Variants in HIRA observed in about 807,000 individuals in gnomAD.
The protein encoded by HIRA is histone cell cycle regulator.
In HIRA, 13 loss-of-function variants were observed where a neutral mutation model predicts 126.6. That is an observed-to-expected ratio of 0.10 (90% CI 0.07 to 0.16). HIRA has a LOEUF of 0.16. Among genes scored for constraint, HIRA ranks in the 10% least tolerant of loss-of-function variants. HIRA has a pLI of 1.00. For synonymous variants in HIRA, 511 were observed against 520.0 expected (o/e 0.98, Z 0.24); for missense variants, 834 against 1,314.4 (o/e 0.63, Z 5.65).
intron 2 of HIRA, among the ~76,000 whole-genome samples, chr22:19,408,915 C>T (rs1230465203): frequency 6.6e-6 from 1 of 152,194 alleles, no homozygotes; most frequent in Non-Finnish European, 1.5e-5. Flanking sequence ...AAAAGGTCTT[C>T]ATCCCTGCCC....
intron 10 of HIRA, 148 bp downstream of exon 10, chr22:19,388,336 C>A: frequency 1.6e-6 from 1 of 611,072 alleles, no homozygotes; most frequent in Non-Finnish European, 3.0e-6. Context: ...TCCCAAATCA[C>A]GTGCAAACAG....
At chr22:19,387,979 G>T (rs1295920799) in intron 10 of HIRA, among the ~76,000 whole-genome samples, 163 bp from the exon 11 acceptor site, 1 of 151,048 alleles carries the variant, frequency 6.6e-6, no homozygotes, top group Admixed American at 6.6e-5. Context: ...GGGCGGGGGG[G>T]GGAGGGGGCG....
chr22:19,403,358 C>T (rs2089284504), intron 5 of HIRA, among the ~76,000 whole-genome samples: 1 of 151,966 alleles, frequency 6.6e-6, no homozygotes, highest in Admixed American at 6.6e-5. Context: ...GCCTGTAATC[C>T]CAGCACTTCG....
intron 24 of HIRA, among the ~76,000 whole-genome samples, chr22:19,332,262 G>A (rs2088498592): frequency 6.6e-6 from 1 of 152,182 alleles, no homozygotes; most frequent in African/African-American, 2.4e-5. Flanking sequence ...AATTAACGGT[G>A]ACAGATATAC....
chr22:19,384,742 C>A (rs894296300), intron 12 of HIRA, among the ~76,000 whole-genome samples: 6 of 151,980 alleles, frequency 3.9e-5, no homozygotes, highest in African/African-American at 1.2e-4. Context: ...GCAATATCTG[C>A]TTCCCGGGTT....
intron 7 of HIRA, among the ~76,000 whole-genome samples, chr22:19,396,410 G>C (rs1011538009): frequency 1.3e-5 from 2 of 152,184 alleles, no homozygotes; most frequent in African/African-American, 4.8e-5. Context: ...CAGCTACTCA[G>C]GAGGCTGAGG....
intron 24 of HIRA, among the ~76,000 whole-genome samples, chr22:19,336,630 G>C (rs964728360): frequency 2.1e-4 from 32 of 152,240 alleles, no homozygotes; most frequent in Non-Finnish European, 4.0e-4. Flanking sequence ...CTCTCACAGA[G>C]TCTACGCCAT....
chr22:19,431,119 G>A (rs569732922), intron 1 of HIRA, among the ~76,000 whole-genome samples: 94 of 152,354 alleles, frequency 6.2e-4, no homozygotes, highest in Admixed American at 5.8e-3. Context: ...ATGCAGACCA[G>A]TGGAAGGCAC....
At chr22:19,415,907 T>C (rs1340935691) in intron 1 of HIRA, among the ~76,000 whole-genome samples, 2 of 152,108 alleles carry the variant, frequency 1.3e-5, no homozygotes, top group Non-Finnish European at 2.9e-5. Context: ...AAAATTCACA[T>C]GGAATCTTAA....
intron 13 of HIRA, among the ~76,000 whole-genome samples, chr22:19,379,345 G>A (rs571975936): frequency 2.6e-5 from 4 of 151,070 alleles, no homozygotes; most frequent in South Asian, 4.2e-4. Context: ...CTTGATTTCC[G>A]GCCAGGCGCA....
chr22:19,422,979 C>T (rs1183020525), intron 1 of HIRA, among the ~76,000 whole-genome samples: 1 of 152,186 alleles, frequency 6.6e-6, no homozygotes, highest in Non-Finnish European at 1.5e-5. Context: ...AGCTACAGAA[C>T]TCCCAGCAGG....
chr22:19,431,377 A>C, intron 1 of HIRA, 63 bp downstream of exon 1: 1 of 1,563,732 alleles, frequency 6.4e-7, no homozygotes, highest in Non-Finnish European at 8.7e-7. Flanking sequence ...GCGCGCCCCG[A>C]CTCGACTCCA....
At chr22:19,382,774 T>C (rs1360219927) in intron 13 of HIRA, among the ~76,000 whole-genome samples, 4 of 146,994 alleles carry the variant, frequency 2.7e-5, no homozygotes, top group African/African-American at 7.8e-5. Context: ...TTTCTTTCTT[T>C]TTTTTTTTTT....
intron 9 of HIRA, 141 bp downstream of exon 9, chr22:19,391,960 G>A (rs1327579908): frequency 1.0e-5 from 5 of 481,062 alleles, no homozygotes; most frequent in Non-Finnish European, 1.9e-5. Context: ...GAGCCTGTGA[G>A]CTTCCAAGGA....
At position 19,388,600 on chromosome 22, in the gene HIRA, C is replaced by T. The variant is rs148339596; in HGVS notation, c.937-46G>A. ...AAGGTTAATGAAATTACTGAAATCC[C>T]CTTCTGTATTCAGCTCAGTTAACAT... On this transcript the variant is annotated intron_variant, in intron 9 of 24. Transcript: ENST00000263208. The T allele has an allele frequency of 9.9e-5, 147 of 1,485,296 alleles. No homozygotes were observed. In the African/African-American group the frequency reaches 1.9e-3, roughly 20 times the overall value. 92.0% of individuals were successfully genotyped at this position (1,485,296 alleles called of 1,614,324 possible). A position where few individuals can be genotyped will look rare whatever the true frequency, so the allele number is the denominator to read the frequency against.
chr22:19,393,796 T>A (rs1182456886), intron 8 of HIRA, among the ~76,000 whole-genome samples: 5 of 152,244 alleles, frequency 3.3e-5, no homozygotes, highest in Non-Finnish European at 5.9e-5. Context: ...ATCCTGGTTC[T>A]CACAGATTAT....
chr22:19,339,021 G>C (rs908433332), intron 24 of HIRA, among the ~76,000 whole-genome samples: 20 of 152,096 alleles, frequency 1.3e-4, no homozygotes, highest in African/African-American at 4.3e-4. Flanking sequence ...TCAGCACATG[G>C]AACATTCTCC....
chr22:19,412,585 C>T (rs1158408006), intron 1 of HIRA, among the ~76,000 whole-genome samples: 2 of 152,294 alleles, frequency 1.3e-5, no homozygotes, highest in African/African-American at 2.4e-5. Flanking sequence ...ACATTCCCCT[C>T]CCCTTGGAGT....
intron 5 of HIRA, 57 bp downstream of exon 5, chr22:19,405,729 T>A: frequency 2.4e-6 from 3 of 1,242,214 alleles, no homozygotes; most frequent in South Asian, 4.3e-5. Context: ...GTGGCGGTGC[T>A]GCTGATCTGA....
Sources: allele counts gnomAD v4.1 joint callset (sites outside exome capture counted in the v4.1 genomes callset), GRCh38; gene constraint gnomAD v4.1.1; transcripts MANE v1.5; gene names NCBI Gene and HGNC (gene_info 2026-07-23, HGNC 2026-07-21).